Variants in DYNC2H1 observed in about 807,000 individuals in gnomAD.
DYNC2H1 encodes cytoplasmic dynein 2 heavy chain 1.
In DYNC2H1, 410 loss-of-function variants were observed where a neutral mutation model predicts 570.0. The ratio of observed to expected loss-of-function variants is 0.72; its 90% CI spans 0.66 to 0.78. DYNC2H1 has a LOEUF of 0.78. Among genes scored for constraint, DYNC2H1 ranks in the 30% least tolerant of loss-of-function variants. The pLI, the probability that DYNC2H1 is intolerant of heterozygous loss-of-function variation, is 0.00. For missense variants in DYNC2H1, 4,865 were observed against 5,046.4 expected (o/e 0.96, Z 1.09); for synonymous variants, 1,688 against 1,677.6 (o/e 1.01, Z -0.15).
rs1944436768 is a variant in DYNC2H1 at position 103,446,737 on chromosome 11, TGGTACAA to T, written c.12457-8447_12457-8441del. Among the ~76,000 whole-genome samples the T allele has an allele frequency of 6.6e-6, 1 of 152,058 alleles. No individual in the cohort carries two copies. Among genetic ancestry groups the T allele is most frequent in the Non-Finnish European group, 1.5e-5 (1 of 68,004 alleles). ...TGTTCACTATAAATTTTTAAATTGA[TGGTACAA>T]GAAAAAGGAAATGATTTTAGGAGTA... On this transcript the variant is annotated intron_variant, in intron 85 of 88. Coordinates refer to ENST00000375735, the MANE Select transcript of DYNC2H1 (RefSeq NM_001377.3). This position sits in a 1 kb window ranked among gnomAD's most constrained non-coding sequence, Gnocchi z 4.5.
chr11:103,130,886 T>G lies in DYNC2H1; in HGVS notation c.1953+1881T>G, dbSNP rs79428368. The stretch of plus-strand genomic sequence containing the variant: ...CATAGTAGTGGTTATAAAACTAGCA[T>G]AGGTGTAGAGAGAACATAAGGTTCT... On this transcript the variant is annotated intron_variant, in intron 13 of 88. Transcript: ENST00000375735. 5.2e-4 allele frequency among the ~76,000 whole-genome samples: 79 copies of G among 152,318 alleles called. 2 individuals are homozygous for G. In the East Asian group the frequency reaches 0.011, roughly 21 times the overall value.
intron 32 of DYNC2H1, among the ~76,000 whole-genome samples, chr11:103,169,417 C>G (rs1168536548): frequency 6.6e-6 from 1 of 152,104 alleles, no homozygotes; most frequent in Non-Finnish European, 1.5e-5. Flanking sequence ...AACATGTTCT[C>G]AAAAATTCCA....
chr11:103,159,697 C>T (rs1860999955), intron 28 of DYNC2H1, among the ~76,000 whole-genome samples: 1 of 151,982 alleles, frequency 6.6e-6, no homozygotes, highest in African/African-American at 2.4e-5. Context: ...TTGGAAAGCG[C>T]AAGCAAATGA....
chr11:103,131,279 A>G (rs1028548759), intron 13 of DYNC2H1, among the ~76,000 whole-genome samples: 3 of 151,970 alleles, frequency 2.0e-5, no homozygotes, highest in Admixed American at 2.0e-4. Flanking sequence ...ATATAGTTAT[A>G]TTTTTTACTT....
At chr11:103,307,099 T>C (rs1353114136) in intron 77 of DYNC2H1, among the ~76,000 whole-genome samples, 1 of 152,152 alleles carries the variant, frequency 6.6e-6, no homozygotes, top group Non-Finnish European at 1.5e-5. Flanking sequence ...AAGAGAATAA[T>C]AGGCAGAGGA....
intron 87 of DYNC2H1, among the ~76,000 whole-genome samples, chr11:103,460,571 A>G (rs970219484): frequency 6.9e-6 from 1 of 145,360 alleles, no homozygotes; most frequent in Non-Finnish European, 1.5e-5. Flanking sequence ...TAAGCAATTA[A>G]TGGGGCAGTC....
chr11:103,298,548 C>T (rs915414785), intron 75 of DYNC2H1, among the ~76,000 whole-genome samples: 1 of 152,114 alleles, frequency 6.6e-6, no homozygotes, highest in African/African-American at 2.4e-5. Flanking sequence ...AAGTTTAATA[C>T]ACTTTTAAAA....
At chr11:103,121,870 G>A (rs557658257) in intron 10 of DYNC2H1, among the ~76,000 whole-genome samples, 2 of 152,268 alleles carry the variant, frequency 1.3e-5, no homozygotes, top group Admixed American at 6.5e-5. Context: ...AGGATCACCT[G>A]AACCTGGGAT....
chr11:103,179,004 C>T, intron 38 of DYNC2H1, 22 bp from the exon 39 acceptor site: 7 of 1,583,754 alleles, frequency 4.4e-6, no homozygotes, highest in South Asian at 3.5e-5. Flanking sequence ...ATTTTGTCTC[C>T]ACTGTTTTGA....
intron 60 of DYNC2H1, among the ~76,000 whole-genome samples, chr11:103,232,763 T>G (rs1864066809): frequency 6.6e-6 from 1 of 152,046 alleles, no homozygotes; most frequent in African/African-American, 2.4e-5. Context: ...ATGCAACAAA[T>G]ATTCATTGCA....
In DYNC2H1 at chr11:103,461,497, T is replaced by C. The variant is rs61904795; in HGVS notation, c.12648+5141T>C. On this transcript the variant is annotated intron_variant, in intron 87 of 88. Coordinates refer to ENST00000375735, the MANE Select transcript of DYNC2H1 (RefSeq NM_001377.3). The surrounding 1 kb of genome is among the most constrained non-coding windows in gnomAD (Gnocchi z 4.8). ...TATGTGTTAAATAGTACTTGAAAAC[T>C]TGATATTGCAAAATACATAAATCAA... Among the ~76,000 whole-genome samples, 24,759 of 152,136 alleles carry C rather than the reference T, an allele frequency of 0.16. 2,178 individuals are homozygous for C. Among genetic ancestry groups the C allele is most frequent in the Admixed American group, 0.25 (3,753 of 15,286 alleles).
chr11:103,125,360 TA>T, intron 12 of DYNC2H1, 65 bp downstream of exon 12: 4 of 890,338 alleles, frequency 4.5e-6, no homozygotes, highest in Non-Finnish European at 6.3e-6. Context: ...TAGAATATGC[TA>T]AAGGCTTTTT....
chr11:103,375,893 G>C (rs1941370820), intron 83 of DYNC2H1, among the ~76,000 whole-genome samples: 1 of 152,182 alleles, frequency 6.6e-6, no homozygotes, highest in Admixed American at 6.5e-5. Context: ...GTTTTGAAAT[G>C]TGAGGACATG....
chr11:103,470,303 A>G (rs1591805303), intron 88 of DYNC2H1, among the ~76,000 whole-genome samples: 1 of 152,220 alleles, frequency 6.6e-6, no homozygotes, highest in Non-Finnish European at 1.5e-5. Flanking sequence ...CTAAAAAGTC[A>G]GGATTGGAAT....
In DYNC2H1 at chr11:103,244,069, A is replaced by G. The variant is rs1397106580; in HGVS notation, c.9918+278A>G. ...AGTAGGTTAGAGAAACAATTAAAGA[A>G]GCTTTGCACTACGTTATGACTAATG... On this transcript the variant is annotated intron_variant, in intron 64 of 88. Transcript: ENST00000375735. The surrounding 1 kb of genome is among the most constrained non-coding windows in gnomAD (Gnocchi z 4.3). 1.6e-4 allele frequency among the ~76,000 whole-genome samples: 25 copies of G among 152,172 alleles called. No homozygotes were observed. Among genetic ancestry groups the G allele is most frequent in the Non-Finnish European group, 4.4e-5 (3 of 67,996 alleles).
At chr11:103,402,031 AAGG>A (rs1342387880) in intron 84 of DYNC2H1, 1 of 152,132 alleles carries the variant, frequency 6.6e-6, no homozygotes, top group Non-Finnish European at 1.5e-5. Flanking sequence ...AGAGATAATG[AAGG>A]AGGTTTCAAA....
At chr11:103,474,679 G>T in intron 88 of DYNC2H1, among the ~76,000 whole-genome samples, 1 of 151,794 alleles carries the variant, frequency 6.6e-6, no homozygotes, top group Non-Finnish European at 1.5e-5. Flanking sequence ...TATTATTGTG[G>T]TATTGTTACA....
At chr11:103,307,329 T>C (rs1025174670) in intron 77 of DYNC2H1, among the ~76,000 whole-genome samples, 2 of 152,170 alleles carry the variant, frequency 1.3e-5, no homozygotes, top group Admixed American at 1.3e-4. Flanking sequence ...AGAAGGCTGG[T>C]AGTTTAGGCA....
intron 82 of DYNC2H1, among the ~76,000 whole-genome samples, chr11:103,337,941 G>T (rs1456774749): frequency 5.9e-5 from 9 of 152,140 alleles, no homozygotes; most frequent in African/African-American, 2.2e-4. Context: ...TCTTATTCAA[G>T]AAATCTTTGT....
Sources: gnomAD v4.1 joint callset for allele counts (sites outside exome capture counted in the v4.1 genomes callset) on GRCh38, gnomAD v4.1.1 for gene constraint, Gnocchi (gnomAD v3.1) non-coding constraint, MANE v1.5 for transcripts, NCBI Gene and HGNC (gene_info 2026-07-23, HGNC 2026-07-21) for gene names.